The following USP49 variants were observed in gnomAD, a reference collection of about 807,000 sequenced individuals.
USP49 encodes ubiquitin specific peptidase 49, also known as ubiquitin carboxyl-terminal hydrolase 49.
In USP49, 24 loss-of-function variants were observed where a neutral mutation model predicts 58.6. That is an observed-to-expected ratio of 0.41 (90% CI 0.30 to 0.58). The LOEUF is 0.58. Among genes scored for constraint, USP49 ranks in the 20% least tolerant of loss-of-function variants. The pLI is 0.30. For synonymous variants in USP49, 408 were observed against 365.1 expected (o/e 1.12, Z -1.34); for missense variants, 703 against 866.1 (o/e 0.81, Z 2.36).
Position 41,793,287 on chromosome 6 carries a change from A to AGT in USP49, c.*3244_*3245dup, listed in dbSNP as rs1016255747. 8 of 153,124 alleles carry AGT rather than the reference A, an allele frequency of 5.2e-5. No individual in the cohort carries two copies. Among genetic ancestry groups the AGT allele is most frequent in the African/African-American group, 2.0e-4 (8 of 40,978 alleles). 9.5% of individuals were successfully genotyped at this position (153,124 alleles called of 1,614,324 possible). On this transcript the variant is annotated 3_prime_UTR_variant, in exon 8 of 8. Coordinates refer to ENST00000682992, the MANE Select transcript of USP49 (RefSeq NM_001286554.2). Reference sequence around the variant, plus strand: ...TGTTTTTGTTTTTTTTTTAAGACAGAGTCTCGCTCTGTCGCCAGGCTGGAG... The same window carrying AGT: ...TGTTTTTGTTTTTTTTTTAAGACAGAGTGTCTCGCTCTGTCGCCAGGCTGGAG...
intron 6 of USP49, among the ~76,000 whole-genome samples, chr6:41,799,506 T>G (rs982634268): frequency 3.3e-5 from 5 of 152,346 alleles, no homozygotes; most frequent in South Asian, 2.1e-4. Context: ...TGCCTGTGCT[T>G]CTTTTGCAGA....
chr6:41,878,536 A>G (rs1452488691), intron 2 of USP49, among the ~76,000 whole-genome samples: 1 of 152,166 alleles, frequency 6.6e-6, no homozygotes, highest in Non-Finnish European at 1.5e-5. Context: ...CCTTCTATAT[A>G]GCATATACCA....
intron 3 of USP49, among the ~76,000 whole-genome samples, chr6:41,845,364 T>G (rs781280162): frequency 1.6e-4 from 24 of 152,054 alleles, no homozygotes; most frequent in South Asian, 1.2e-3. Context: ...CTGTCTCTAC[T>G]AAAAATATAA....
rs1772816450 is a variant in USP49 at position 41,792,566 on chromosome 6, G to C, written c.*3967C>G. On this transcript the variant is annotated 3_prime_UTR_variant, in exon 8 of 8. Transcript: ENST00000682992. Reference sequence around the variant, plus strand: ...TTAAAAAGGCCCAAGTCAATGTATGGAACATGACAAGGGAAGTGAAAAACA... The same window carrying C: ...TTAAAAAGGCCCAAGTCAATGTATGCAACATGACAAGGGAAGTGAAAAACA... The C allele has an allele frequency of 6.6e-6, 1 of 152,226 alleles. No homozygotes were observed. Among genetic ancestry groups the C allele is most frequent in the Admixed American group, 6.5e-5 (1 of 15,284 alleles). The allele number at this position is 152,226 out of a possible 1,614,324, so 9.4% of individuals were successfully genotyped here.
In USP49 at chr6:41,881,348, TC is replaced by T. The variant is rs1034318442; in HGVS notation, c.-102-9712del. Among the ~76,000 whole-genome samples the T allele has an allele frequency of 4.6e-5, 4 of 86,066 alleles. No individual in the cohort carries two copies. The Admixed American group carries it at 5.9e-4, about 13-fold the overall frequency. The allele number at this position is 86,066 out of a possible 152,430, so 56.5% of individuals were successfully genotyped here. On this transcript the variant is annotated intron_variant, in intron 2 of 7. Transcript: ENST00000682992. ...CAGCTAGAAGAATAGAAAACAGAGG[TC>T]CCTAGAGAGGCAAAATGTTGGGAAA...
At chr6:41,812,389 T>G (rs1773273021) in intron 3 of USP49, among the ~76,000 whole-genome samples, 1 of 138,526 alleles carries the variant, frequency 7.2e-6, no homozygotes, top group Non-Finnish European at 1.6e-5. Flanking sequence ...AGATGATTTT[T>G]TTGCACATTA....
intron 5 of USP49, among the ~76,000 whole-genome samples, chr6:41,802,866 G>A (rs3747749): frequency 0.19 from 28,643 of 152,070 alleles, 3,291 homozygotes; most frequent in East Asian, 0.29. Flanking sequence ...TAAAATTACA[G>A]ACAACACAGA....
chr6:41,796,906 C>A (rs1436092191), intron 7 of USP49, among the ~76,000 whole-genome samples, 183 bp from the exon 8 acceptor site: 2 of 151,862 alleles, frequency 1.3e-5, no homozygotes, highest in Non-Finnish European at 2.9e-5. Context: ...TGGCTTTAAC[C>A]CCACCAAGCC....
At chr6:41,870,044 G>C (rs1292716410) in intron 3 of USP49, among the ~76,000 whole-genome samples, 1 of 152,142 alleles carries the variant, frequency 6.6e-6, no homozygotes, top group Non-Finnish European at 1.5e-5. Context: ...TGCCACCATG[G>C]TTAACCGTAT....
chr6:41,880,540 G>A (rs561710176), intron 2 of USP49, among the ~76,000 whole-genome samples: 1 of 152,148 alleles, frequency 6.6e-6, no homozygotes, highest in Non-Finnish European at 1.5e-5. Flanking sequence ...CCAAGAATCA[G>A]AACATCATCA....
At chr6:41,814,697 C>T (rs979845577) in intron 3 of USP49, among the ~76,000 whole-genome samples, 14 of 152,256 alleles carry the variant, frequency 9.2e-5, no homozygotes, top group African/African-American at 3.4e-4. Context: ...CTCGCTCTCT[C>T]ATCATATTGA....
intron 3 of USP49, among the ~76,000 whole-genome samples, chr6:41,832,499 G>A (rs1305850453): frequency 6.6e-6 from 1 of 152,290 alleles, no homozygotes; most frequent in East Asian, 1.9e-4. Context: ...CACACACATG[G>A]TGTGTTGCTT....
At chr6:41,882,932 A>C (rs967912324) in intron 2 of USP49, among the ~76,000 whole-genome samples, 9 of 151,996 alleles carry the variant, frequency 5.9e-5, no homozygotes, top group African/African-American at 2.2e-4. Context: ...AAAAACAAAA[A>C]ACAAAAAACA....
chr6:41,877,215 C>G (rs142342627), intron 2 of USP49, among the ~76,000 whole-genome samples: 11 of 152,254 alleles, frequency 7.2e-5, no homozygotes, highest in Admixed American at 2.0e-4. Context: ...CAGAAAACTG[C>G]AAAACAGAGA....
chr6:41,823,565 G>A (rs1773486614), intron 3 of USP49, among the ~76,000 whole-genome samples: 1 of 152,104 alleles, frequency 6.6e-6, no homozygotes, highest in Non-Finnish European at 1.5e-5. Context: ...TCTGCAGAGT[G>A]GCAATACAGC....
chr6:41,806,195 G>A lies in USP49; in HGVS notation c.789C>T (p.Tyr263=), dbSNP rs1345755099. The part of the protein sequence containing the change: ...TGLRNLGNTC[Y]MNSILQVLSH... ...TGAGCACCTGGAGGATGGAGTTCAT[G>A]TAGCAGGTGTTGCCCAGGTTGCGCA... The change falls in exon 4 of 8, where the codon TAC becomes TAT. Residue 263 remains tyrosine, a synonymous_variant. Transcript: ENST00000682992. This position sits in a 1 kb window ranked among gnomAD's most constrained non-coding sequence, Gnocchi z 5.9. 6 of 1,612,978 alleles carry A rather than the reference G, an allele frequency of 3.7e-6. No individual in the cohort carries two copies. In the East Asian group the frequency reaches 1.3e-4, roughly 36 times the overall value.
chr6:41,888,418 A>G (rs142989361), intron 2 of USP49, among the ~76,000 whole-genome samples: 47 of 152,082 alleles, frequency 3.1e-4, no homozygotes, highest in African/African-American at 1.1e-3. Context: ...AGAGTGGGGA[A>G]AAAAGGAAAA....
At chr6:41,885,204 T>G (rs1774687749) in intron 2 of USP49, among the ~76,000 whole-genome samples, 1 of 152,220 alleles carries the variant, frequency 6.6e-6, no homozygotes, top group Admixed American at 6.6e-5. Flanking sequence ...ACGTAGGTGT[T>G]GTAGTTAATA....
chr6:41,810,180 TAAAG>T (rs1485856425), intron 3 of USP49, among the ~76,000 whole-genome samples: 2 of 149,064 alleles, frequency 1.3e-5, no homozygotes, highest in South Asian at 2.1e-4. Flanking sequence ...AATAAAAAAA[TAAAG>T]AAAATAATAA....
Sources: gnomAD v4.1 joint callset for allele counts (sites outside exome capture counted in the v4.1 genomes callset) on GRCh38, gnomAD v4.1.1 for gene constraint, Gnocchi (gnomAD v3.1) non-coding constraint, MANE v1.5 for transcripts, NCBI Gene and HGNC (gene_info 2026-07-23, HGNC 2026-07-21) for gene names.